Variants in KCNB2 observed in about 807,000 individuals in gnomAD.
The protein encoded by KCNB2 is delayed rectifier potassium channel protein.
KCNB2 carries 15 observed loss-of-function variants against 61.5 expected under a neutral mutation model. The observed-to-expected ratio is 0.24, with a 90% CI of 0.16 to 0.38. The LOEUF is 0.38. KCNB2 is among the 10% of genes least tolerant of loss of function. The probability of loss-of-function intolerance (pLI) is 1.00; values close to 1 mark genes in which losing one functional copy is unlikely to be tolerated. For synonymous variants in KCNB2, 457 were observed against 446.0 expected (o/e 1.02, Z -0.31); for missense variants, 828 against 1,125.2 (o/e 0.74, Z 3.78).
At chr8:72,630,083 C>T (rs1260961869) in intron 2 of KCNB2, among the ~76,000 whole-genome samples, 1 of 152,188 alleles carries the variant, frequency 6.6e-6, no homozygotes, top group Non-Finnish European at 1.5e-5. Context: ...GGAATTGACT[C>T]ACACCAGCTG....
Position 72,937,658 on chromosome 8 carries a change from TGCTGGGCACTGAG to T in KCNB2, c.2305_2317del (p.Leu769PhefsTer35). The T allele has an allele frequency of 1.2e-6, 2 of 1,614,080 alleles. No homozygotes were observed. The highest frequency in any genetic ancestry group is 1.7e-6 in the Non-Finnish European group (2 of 1,180,010). On this transcript the variant is annotated frameshift_variant, in exon 3 of 3. Coordinates refer to ENST00000523207, the MANE Select transcript of KCNB2 (RefSeq NM_004770.3). LOFTEE classifies it high-confidence loss of function. ...ACCCCCTCCCAGGGAGACAGACCCT[TGCTGGGCACTGAG>T]GTTTCAGCGCCTTGTCAGGGACCTT... is the stretch of plus-strand genomic sequence containing the variant.
chr8:72,863,925 G>T (rs541092897), intron 2 of KCNB2, among the ~76,000 whole-genome samples: 1 of 152,274 alleles, frequency 6.6e-6, no homozygotes, highest in South Asian at 2.1e-4. Flanking sequence ...GATCACTTGA[G>T]CCCAGGAGGC....
chr8:72,894,537 T>G (rs1037372459), intron 2 of KCNB2, among the ~76,000 whole-genome samples: 6 of 152,212 alleles, frequency 3.9e-5, no homozygotes, highest in Non-Finnish European at 7.3e-5. Flanking sequence ...TGTGTGTTGA[T>G]TACATTAGAT....
Position 72,683,118 on chromosome 8 carries a change from A to C in KCNB2, c.579+114805A>C, listed in dbSNP as rs910066560. 4.6e-5 allele frequency among the ~76,000 whole-genome samples: 7 copies of C among 152,228 alleles called. No homozygotes were observed. In the South Asian group the frequency reaches 1.5e-3, roughly 32 times the overall value. On this transcript the variant is annotated intron_variant, in intron 2 of 2. Transcript: ENST00000523207. Reference sequence around the variant, plus strand: ...TCTGAACAGTGTTTATCCTGGCATAATGAAAGAACTTTCTTATTCTTTCCT... The same window carrying C: ...TCTGAACAGTGTTTATCCTGGCATACTGAAAGAACTTTCTTATTCTTTCCT...
chr8:72,586,069 G>A (rs573832993), intron 2 of KCNB2, among the ~76,000 whole-genome samples: 6 of 152,190 alleles, frequency 3.9e-5, no homozygotes, highest in South Asian at 4.1e-4. Flanking sequence ...ATGTTTTTCC[G>A]TGTGGAGAAG....
chr8:72,691,457 T>G (rs1225890981), intron 2 of KCNB2, among the ~76,000 whole-genome samples: 6 of 152,240 alleles, frequency 3.9e-5, no homozygotes, highest in Non-Finnish European at 8.8e-5. Flanking sequence ...GGTCTAAGTC[T>G]TATAACTATT....
intron 2 of KCNB2, among the ~76,000 whole-genome samples, chr8:72,871,948 C>A (rs942540665): frequency 6.6e-6 from 1 of 152,196 alleles, no homozygotes; most frequent in Non-Finnish European, 1.5e-5. Flanking sequence ...TGAATGGCTT[C>A]CATCATGCAA....
chr8:72,821,753 C>T (rs1217188613), intron 2 of KCNB2, among the ~76,000 whole-genome samples: 1 of 151,204 alleles, frequency 6.6e-6, no homozygotes, highest in African/African-American at 2.4e-5. Context: ...CTTCTATAAG[C>T]AGTCACAGGT....
At chr8:72,758,613 A>G (rs1210938081) in intron 2 of KCNB2, among the ~76,000 whole-genome samples, 1 of 152,176 alleles carries the variant, frequency 6.6e-6, no homozygotes, top group African/African-American at 2.4e-5. Context: ...CTCCATGTTT[A>G]TTACACAAAC....
chr8:72,594,597 A>G (rs1807156520), intron 2 of KCNB2, among the ~76,000 whole-genome samples: 1 of 152,158 alleles, frequency 6.6e-6, no homozygotes, highest in Non-Finnish European at 1.5e-5. Flanking sequence ...TTCTAGATGA[A>G]CGTGTCAGTG....
At chr8:72,781,995 C>G (rs1187564756) in intron 2 of KCNB2, among the ~76,000 whole-genome samples, 1 of 152,120 alleles carries the variant, frequency 6.6e-6, no homozygotes, top group African/African-American at 2.4e-5. Context: ...GGATAAATAT[C>G]TAATCCATGC....
intron 2 of KCNB2, among the ~76,000 whole-genome samples, chr8:72,837,158 T>G (rs975837320): frequency 2.0e-5 from 3 of 152,200 alleles, no homozygotes; most frequent in African/African-American, 7.2e-5. Flanking sequence ...AACTACTATC[T>G]GGGATACTGT....
chr8:72,630,110 T>C (rs149230136), intron 2 of KCNB2, among the ~76,000 whole-genome samples: 3 of 152,318 alleles, frequency 2.0e-5, no homozygotes, highest in Non-Finnish European at 2.9e-5. Context: ...AATTATTGGG[T>C]ACATCTCTTT....
chr8:72,559,208 T>C (rs1015451572), intron 1 of KCNB2, among the ~76,000 whole-genome samples: 1 of 152,100 alleles, frequency 6.6e-6, no homozygotes, highest in African/African-American at 2.4e-5. Context: ...TGCAGTGATG[T>C]GATCTGGGCT....
At chr8:72,838,143 A>G (rs1809814831) in intron 2 of KCNB2, among the ~76,000 whole-genome samples, 1 of 152,150 alleles carries the variant, frequency 6.6e-6, no homozygotes, top group South Asian at 2.1e-4. Context: ...ACTTTAAGTT[A>G]TAGGTTACAC....
At chr8:72,789,510 A>G (rs1808900384) in intron 2 of KCNB2, among the ~76,000 whole-genome samples, 1 of 152,124 alleles carries the variant, frequency 6.6e-6, no homozygotes, top group South Asian at 2.1e-4. Context: ...GAAGTTGACC[A>G]GGTAGAGAAG....
In KCNB2 at chr8:72,937,815, G is replaced by A. The variant is rs1163713586; in HGVS notation, c.2460G>A (p.Gly820=). Residue 820 remains glycine, a synonymous_variant, in exon 3 of 3, where the codon GGG becomes GGA. Coordinates refer to ENST00000523207, the MANE Select transcript of KCNB2 (RefSeq NM_004770.3). The part of the protein sequence containing the change: ...GDDEDFLELP[G]AREEKQVDSS... ...ACGAAGACTTCTTAGAGCTCCCAGG[G>A]GCAAGGGAGGAGAAGCAGGTGGACT... The A allele has an allele frequency of 6.2e-7, 1 of 1,613,996 alleles. No homozygotes were observed. Among genetic ancestry groups the A allele is most frequent in the South Asian group, 1.1e-5 (1 of 91,082 alleles).
intron 1 of KCNB2, among the ~76,000 whole-genome samples, chr8:72,555,783 T>C (rs1806417322): frequency 6.6e-6 from 1 of 152,004 alleles, no homozygotes; most frequent in South Asian, 2.1e-4. Context: ...ACTTTAAGTT[T>C]TAGGGTACAT....
chr8:72,822,426 C>T (rs1809526895), intron 2 of KCNB2, among the ~76,000 whole-genome samples: 1 of 152,042 alleles, frequency 6.6e-6, no homozygotes, highest in African/African-American at 2.4e-5. Context: ...AGACAACATC[C>T]AGTCATCATG....
Sources: gnomAD v4.1 joint callset for allele counts (sites outside exome capture counted in the v4.1 genomes callset) on GRCh38, gnomAD v4.1.1 for gene constraint, MANE v1.5 for transcripts, NCBI Gene and HGNC (gene_info 2026-07-23, HGNC 2026-07-21) for gene names.